The following MARK4 variants were observed in gnomAD, a reference collection of about 807,000 sequenced individuals.
MARK4 encodes the protein MAP/microtubule affinity-regulating kinase 4.
In MARK4, 19 loss-of-function variants were observed where a neutral mutation model predicts 81.5. The observed-to-expected ratio is 0.23, with a 90% CI of 0.16 to 0.34. The LOEUF (loss-of-function observed/expected upper bound fraction) is 0.34. Ranked by LOEUF, MARK4 falls within the 10% of genes least tolerant of loss-of-function variation. MARK4 has a pLI of 1.00. For synonymous variants in MARK4, 436 were observed against 439.0 expected (o/e 0.99, Z 0.08); for missense variants, 772 against 1,058.8 (o/e 0.73, Z 3.76).
In MARK4 at chr19:45,271,505, A is replaced by T; in HGVS notation, c.583A>T (p.Ile195Phe). Residue 195 changes from isoleucine to phenylalanine, a missense_variant, in exon 8 of 17, where the codon ATC (isoleucine) becomes TTC (phenylalanine). Physicochemically the swap from Ile to Phe is conservative, Grantham distance 21. Coordinates refer to ENST00000262891, the MANE Select transcript of MARK4 (RefSeq NM_001199867.2). The surrounding 1 kb of genome is among the most constrained non-coding windows in gnomAD (Gnocchi z 4.1). ...ENLLLDAEAN[I>F]KIADFGFSNE... The stretch of plus-strand genomic sequence containing the variant: ...CCTCTTGCTGGATGCCGAGGCCAAC[A>T]TCAAGATTGCTGACTTTGGCTTCAG... The T allele has an allele frequency of 6.2e-7, 1 of 1,614,198 alleles. No homozygotes were observed. The highest frequency in any genetic ancestry group is 1.1e-5 in the South Asian group (1 of 91,088).
chr19:45,271,669 C>T lies in MARK4; in HGVS notation c.747C>T (p.Leu249=), dbSNP rs140158030. ...GCCTGGGAGTCATCCTGTACACCCT[C>T]GTCAGCGGCTCCCTGCCCTTCGACG... ...IWSLGVILYT[L]VSGSLPFDGH... is the part of the protein sequence containing the mutation. The change falls in exon 8 of 17, where the codon CTC becomes CTT. Residue 249 remains leucine (L), a synonymous_variant. Coordinates refer to ENST00000262891, the MANE Select transcript of MARK4 (RefSeq NM_001199867.2). This position sits in a 1 kb window ranked among gnomAD's most constrained non-coding sequence, Gnocchi z 4.1. The T allele has an allele frequency of 1.7e-5, 27 of 1,614,000 alleles. No homozygotes were observed. The highest frequency in any genetic ancestry group is 1.6e-4 in the African/African-American group (12 of 74,920).
chr19:45,261,804 A>G (rs532758427), intron 2 of MARK4, among the ~76,000 whole-genome samples: 1 of 152,176 alleles, frequency 6.6e-6, no homozygotes, highest in East Asian at 1.9e-4. Context: ...ATGGTGACGC[A>G]TGCCTGTAAT....
intron 13 of MARK4, among the ~76,000 whole-genome samples, chr19:45,289,768 TCAAAACAAAA>T (rs202166917): frequency 3.3e-5 from 5 of 149,362 alleles, no homozygotes; most frequent in Middle Eastern, 3.5e-3. Context: ...AGACTCTGTC[TCAAAACAAAA>T]CAAAACAAAA....
At chr19:45,267,984 C>T (rs1054336388) in intron 7 of MARK4, among the ~76,000 whole-genome samples, 13 of 151,842 alleles carry the variant, frequency 8.6e-5, no homozygotes, top group African/African-American at 2.7e-4. Context: ...TTAGTAGAGA[C>T]GGGGTTTCAC....
chr19:45,256,043 G>T (rs1467722006), intron 1 of MARK4, among the ~76,000 whole-genome samples: 3 of 152,238 alleles, frequency 2.0e-5, no homozygotes, highest in Non-Finnish European at 4.4e-5. Flanking sequence ...AAGTCAGGGC[G>T]CTTCTCAAGC....
intron 12 of MARK4, 100 bp downstream of exon 12, chr19:45,280,834 C>A: frequency 6.7e-7 from 1 of 1,495,530 alleles, no homozygotes; most frequent in Non-Finnish European, 9.1e-7. Flanking sequence ...CAGAAACCCA[C>A]TGGAGCTAAC....
intron 1 of MARK4, among the ~76,000 whole-genome samples, chr19:45,254,567 A>G (rs1477406529): frequency 1.3e-5 from 2 of 152,060 alleles, no homozygotes; most frequent in Non-Finnish European, 2.9e-5. Context: ...CTGCCCTGTG[A>G]CCTTGGGGGA....
At chr19:45,277,195 A>C (rs999969948) in intron 8 of MARK4, among the ~76,000 whole-genome samples, 2 of 151,990 alleles carry the variant, frequency 1.3e-5, no homozygotes, top group Non-Finnish European at 2.9e-5. Flanking sequence ...CTCGTGCCTC[A>C]GCCTCCCAAG....
Position 45,293,272 on chromosome 19 carries a change from AT to A in MARK4, c.1495-1076del, listed in dbSNP as rs1970842230. Among the ~76,000 whole-genome samples the A allele has an allele frequency of 2.6e-5, 4 of 152,314 alleles. No individual in the cohort carries two copies. The South Asian group carries it at 6.2e-4, about 24-fold the overall frequency. The stretch of plus-strand genomic sequence containing the variant: ...AATGAGTGAAACTCTGTCCAAAAAA[AT>A]AAATAAATAAATAAAATCCAATGGA... On this transcript the variant is annotated intron_variant, in intron 13 of 16. Transcript: ENST00000262891.
At chr19:45,278,694 C>G (rs1374921374) in intron 10 of MARK4, 79 bp downstream of exon 10, 1 of 1,078,548 alleles carries the variant, frequency 9.3e-7, no homozygotes, top group East Asian at 2.5e-5. Flanking sequence ...ACCTCCGCCT[C>G]CCAGAATCAA....
rs778478961 is a variant in MARK4 at position 45,259,017 on chromosome 19, C to T, written c.80C>T (p.Ser27Leu). The change falls in exon 2 of 17, where the codon TCG becomes TTG. Residue 27 changes from serine (S) to leucine (L), a missense_variant. By Grantham distance (145) the Ser-to-Leu change is moderately radical. Around this residue, in one of 3 missense-constraint regions of MARK4, gnomAD observed 115 missense variants for 139.8 expected, o/e 0.82. Transcript: ENST00000262891. ...GGCACCTTGGGCAGTGGCCGCTCCT[C>T]GGACAAAGGCCCGTCCTGGTCCAGC... Reference protein sequence around the residue: ...THGTLGSGRSSDKGPSWSSRS... With the variant: ...THGTLGSGRSLDKGPSWSSRS... The T allele has an allele frequency of 6.2e-6, 10 of 1,613,108 alleles. No individual in the cohort carries two copies. The highest frequency in any genetic ancestry group is 3.3e-5 in the Admixed American group (2 of 59,986).
intron 8 of MARK4, among the ~76,000 whole-genome samples, chr19:45,273,079 A>G (rs1228772838): frequency 1.3e-5 from 2 of 150,716 alleles, no homozygotes; most frequent in South Asian, 2.1e-4. Context: ...GGCCTGTGCT[A>G]TGCTGGGGGG....
intron 8 of MARK4, among the ~76,000 whole-genome samples, chr19:45,275,985 C>T (rs561530120): frequency 3.3e-5 from 5 of 152,252 alleles, no homozygotes; most frequent in South Asian, 2.1e-4. Context: ...TCACCCCCAA[C>T]GCTCAATTCA....
chr19:45,255,430 G>A (rs1286417040), intron 1 of MARK4, among the ~76,000 whole-genome samples: 3 of 151,774 alleles, frequency 2.0e-5, no homozygotes, highest in Non-Finnish European at 4.4e-5. Context: ...TTGTGGTGGC[G>A]GGCGTCTGTA....
intron 12 of MARK4, among the ~76,000 whole-genome samples, chr19:45,282,544 T>C (rs1970689884): frequency 6.7e-6 from 1 of 149,898 alleles, no homozygotes; most frequent in Middle Eastern, 3.5e-3. Context: ...AAATTAAAAA[T>C]TGGCCAGGCA....
At chr19:45,259,903 A>C (rs938933582) in intron 2 of MARK4, among the ~76,000 whole-genome samples, 4 of 152,166 alleles carry the variant, frequency 2.6e-5, no homozygotes, top group African/African-American at 9.6e-5. Flanking sequence ...CCTGACCAAC[A>C]TGATGAAACC....
intron 14 of MARK4, among the ~76,000 whole-genome samples, chr19:45,297,437 G>A (rs1178236251): frequency 6.6e-6 from 1 of 152,186 alleles, no homozygotes; most frequent in African/African-American, 2.4e-5. Flanking sequence ...ATGATTTGGA[G>A]CGGGTAGAGT....
At position 45,271,739 on chromosome 19, in the gene MARK4, A is replaced by G. The variant is rs768566443; in HGVS notation, c.786+31A>G. 1 of 1,592,038 alleles carries G rather than the reference A, an allele frequency of 6.3e-7. No individual in the cohort carries two copies. Among genetic ancestry groups the G allele is most frequent in the Non-Finnish European group, 8.6e-7 (1 of 1,162,938 alleles). On this transcript the variant is annotated intron_variant, in intron 8 of 16. Coordinates refer to ENST00000262891, the MANE Select transcript of MARK4 (RefSeq NM_001199867.2). This position sits in a 1 kb window ranked among gnomAD's most constrained non-coding sequence, Gnocchi z 4.1. ...GAGAGGGGCTGGGTGCAGGGGCATCAGCCCCTCCCCACAGTCAGGCCCCTA... is the reference window on the plus strand; with the variant it reads ...GAGAGGGGCTGGGTGCAGGGGCATCGGCCCCTCCCCACAGTCAGGCCCCTA...
At chr19:45,288,388 A>G (rs1211714333) in intron 13 of MARK4, 1 of 151,806 alleles carries the variant, frequency 6.6e-6, no homozygotes, top group Non-Finnish European at 1.5e-5. Flanking sequence ...CCCCGTCTCT[A>G]CTAAAAATAT....
Sources: gnomAD v4.1 joint callset for allele counts (sites outside exome capture counted in the v4.1 genomes callset) on GRCh38, gnomAD v4.1.1 for gene constraint, gnomAD v4.1.1 regional missense constraint, Gnocchi (gnomAD v3.1) non-coding constraint, MANE v1.5 for transcripts, NCBI Gene and HGNC (gene_info 2026-07-23, HGNC 2026-07-21) for gene names.